TENT5D: variants seen among roughly 807,000 people sequenced by gnomAD.
TENT5D encodes the protein cancer/testis antigen 112.
For synonymous variants in TENT5D, 103 were observed against 100.6 expected, an observed-to-expected ratio of 1.02 and a Z score of -0.15; for missense variants, 191 against 287.0, an observed-to-expected ratio of 0.67 and a Z score of 2.42.
intron 3 of TENT5D, among the ~76,000 whole-genome samples, chrX:80,376,476 T>G (rs1041472023): frequency 2.7e-5 from 3 of 111,797 alleles, no homozygotes; most frequent in African/African-American, 9.7e-5. Context: ...TTCTCGTGTC[T>G]AGGCCATCTT....
intron 2 of TENT5D, among the ~76,000 whole-genome samples, chrX:80,440,793 TA>T (rs1439862836): frequency 1.8e-5 from 2 of 111,431 alleles, no homozygotes; most frequent in Non-Finnish European, 3.8e-5. Context: ...ATGTGATATT[TA>T]AAAAATATTT....
intron 3 of TENT5D, among the ~76,000 whole-genome samples, chrX:80,406,425 A>AC (rs1246702129): frequency 1.8e-5 from 2 of 108,124 alleles, no homozygotes; most frequent in Non-Finnish European, 3.8e-5. Context: ...GGAGCTGAAA[A>AC]CCAAGACTCG....
intron 3 of TENT5D, among the ~76,000 whole-genome samples, chrX:80,404,819 C>A (rs1931450563): frequency 8.9e-6 from 1 of 111,772 alleles, no homozygotes; most frequent in Non-Finnish European, 1.9e-5. Context: ...AAAACACATA[C>A]AGAAAGTTAC....
chrX:80,344,439 T>G (rs1282725245), intron 3 of TENT5D, among the ~76,000 whole-genome samples: 1 of 111,099 alleles, frequency 9.0e-6, no homozygotes, highest in Non-Finnish European at 1.9e-5. Flanking sequence ...CATTCCCTTT[T>G]CTCTGCAAAC....
At chrX:80,406,495 T>G (rs1452839970) in intron 3 of TENT5D, among the ~76,000 whole-genome samples, 43 of 104,426 alleles carry the variant, frequency 4.1e-4, no homozygotes, top group Non-Finnish European at 6.7e-4. Flanking sequence ...GAAGAAAGGG[T>G]ATCAGCAATG....
At position 80,338,511 on chromosome X, in the gene TENT5D, GATTA is replaced by G. The variant is rs202069781; in HGVS notation, c.-207+2800_-207+2803del. Among the ~76,000 whole-genome samples the G allele has an allele frequency of 2.4e-3, 266 of 112,154 alleles. 7 individuals are homozygous for G. In the East Asian group the frequency reaches 0.067, roughly 28 times the overall value. On this transcript the variant is annotated intron_variant, in intron 2 of 4. Transcript: ENST00000538312. Reference sequence around the variant, plus strand: ...TCTGTAAATTGAGTAATTTTTTTATGATTAATTATGCTTAGTTCTCTAAATGTTT... The same window carrying G: ...TCTGTAAATTGAGTAATTTTTTTATGATTATGCTTAGTTCTCTAAATGTTT...
chrX:80,357,967 A>C (rs1436445001), intron 3 of TENT5D, among the ~76,000 whole-genome samples: 3 of 111,620 alleles, frequency 2.7e-5, no homozygotes, highest in East Asian at 2.8e-4. Context: ...CAAAACAGAG[A>C]TATAGACCAA....
intron 3 of TENT5D, among the ~76,000 whole-genome samples, chrX:80,399,640 C>T (rs112614187): frequency 0.01 from 1,164 of 112,056 alleles, 24 homozygotes; most frequent in African/African-American, 0.036. Context: ...ATTCAAAAGA[C>T]ATGTATTAAC....
intron 2 of TENT5D, among the ~76,000 whole-genome samples, chrX:80,341,500 T>G (rs1464835317): frequency 9.0e-6 from 1 of 111,205 alleles, no homozygotes; most frequent in Non-Finnish European, 1.9e-5. Context: ...TTTATTATGT[T>G]CTTGTTCAGT....
At chrX:80,420,764 A>G (rs1931867502) in intron 1 of TENT5D, among the ~76,000 whole-genome samples, 1 of 112,260 alleles carries the variant, frequency 8.9e-6, no homozygotes, top group Non-Finnish European at 1.9e-5. Context: ...TTAAAAGGGC[A>G]TCAATAATTG....
At chrX:80,404,453 A>T (rs1931444364) in intron 3 of TENT5D, among the ~76,000 whole-genome samples, 1 of 111,888 alleles carries the variant, frequency 8.9e-6, no homozygotes, top group African/African-American at 3.3e-5. Flanking sequence ...TAATGCTCCG[A>T]GAAAACCTTG....
At chrX:80,340,648 A>G (rs1929939926) in intron 2 of TENT5D, among the ~76,000 whole-genome samples, 1 of 111,206 alleles carries the variant, frequency 9.0e-6, no homozygotes, top group Non-Finnish European at 1.9e-5. Flanking sequence ...ATAGTTTCTC[A>G]AGCAGAACTG....
chrX:80,422,962 G>C (rs1222303499), intron 1 of TENT5D, among the ~76,000 whole-genome samples: 1 of 111,933 alleles, frequency 8.9e-6, no homozygotes, highest in Non-Finnish European at 1.9e-5. Context: ...AGTGCAGAGA[G>C]AATGGCATTT....
intron 3 of TENT5D, among the ~76,000 whole-genome samples, chrX:80,369,039 C>A (rs1410434339): frequency 1.8e-5 from 2 of 111,678 alleles, no homozygotes; most frequent in African/African-American, 6.5e-5. Flanking sequence ...TAGATACTGT[C>A]AAGAAAACCC....
chrX:80,395,835 C>G (rs1484967709), intron 3 of TENT5D, among the ~76,000 whole-genome samples: 1 of 105,477 alleles, frequency 9.5e-6, no homozygotes, highest in Non-Finnish European at 1.9e-5. Context: ...TAACAAATCT[C>G]TCCCTATTCC....
intron 3 of TENT5D, among the ~76,000 whole-genome samples, chrX:80,346,265 A>C (rs1348067197): frequency 8.9e-6 from 1 of 112,263 alleles, no homozygotes; most frequent in African/African-American, 3.2e-5. Context: ...TTGTTTGTCC[A>C]TACACCTGCT....
At chrX:80,389,673 C>A (rs929999681) in intron 3 of TENT5D, among the ~76,000 whole-genome samples, 1 of 112,062 alleles carries the variant, frequency 8.9e-6, no homozygotes, top group African/African-American at 3.2e-5. Context: ...ACGAGATTGA[C>A]CAAGTGTGGC....
At chrX:80,388,629 C>A (rs1194012556) in intron 3 of TENT5D, among the ~76,000 whole-genome samples, 1 of 111,897 alleles carries the variant, frequency 8.9e-6, no homozygotes, top group South Asian at 3.8e-4. Flanking sequence ...AGACAAAGTT[C>A]TATTTATTCT....
intron 1 of TENT5D, among the ~76,000 whole-genome samples, chrX:80,426,698 A>T (rs1354023453): frequency 8.9e-6 from 1 of 111,995 alleles, no homozygotes; most frequent in Non-Finnish European, 1.9e-5. Context: ...AAAATTCTTT[A>T]TCCCTAGGCA....
Sources: gnomAD v4.1 joint callset for allele counts (sites outside exome capture counted in the v4.1 genomes callset) on GRCh38, gnomAD v4.1.1 for gene constraint, MANE v1.5 for transcripts, NCBI Gene and HGNC (gene_info 2026-07-23, HGNC 2026-07-21) for gene names.